The following PARN variants were observed in gnomAD, a reference collection of about 807,000 sequenced individuals.
PARN encodes the protein poly(A)-specific ribonuclease PARN.
Under a neutral mutation model 102.8 loss-of-function variants are expected in PARN, and 71 were observed. The ratio of observed to expected loss-of-function variants is 0.69; its 90% CI spans 0.57 to 0.84. The LOEUF (loss-of-function observed/expected upper bound fraction) is 0.84, where lower values mean the gene tolerates loss of function less well. PARN is among the 40% of genes least tolerant of loss of function. The pLI, the probability that PARN is intolerant of heterozygous loss-of-function variation, is 0.00. For synonymous variants in PARN, 261 were observed against 252.9 expected (o/e 1.03, Z -0.30); for missense variants, 782 against 760.9 (o/e 1.03, Z -0.33).
At chr16:14,556,126 C>T (rs1332048902) in intron 18 of PARN, among the ~76,000 whole-genome samples, 1 of 151,084 alleles carries the variant, frequency 6.6e-6, no homozygotes, top group Non-Finnish European at 1.5e-5. Flanking sequence ...TGAGCCACCA[C>T]ATCTGGCTTT....
intron 21 of PARN, among the ~76,000 whole-genome samples, chr16:14,486,105 A>T (rs1302778133): frequency 6.6e-6 from 1 of 152,106 alleles, no homozygotes; most frequent in Admixed American, 6.6e-5. Flanking sequence ...CTACAGTCCC[A>T]GCACTCTGGG....
intron 21 of PARN, among the ~76,000 whole-genome samples, chr16:14,546,111 G>T (rs542226856): frequency 6.6e-6 from 1 of 152,094 alleles, no homozygotes; most frequent in Non-Finnish European, 1.5e-5. Flanking sequence ...GTAATATCAC[G>T]AATAAAAACC....
intron 21 of PARN, among the ~76,000 whole-genome samples, chr16:14,507,422 C>A (rs567833960): frequency 5.3e-5 from 8 of 151,898 alleles, no homozygotes; most frequent in Admixed American, 2.6e-4. Flanking sequence ...GAAGGCCAGG[C>A]GTGGTGGCTC....
rs568021609 is a variant in PARN at position 14,514,455 on chromosome 16, G to C, written c.1481-31628C>G. On this transcript the variant is annotated intron_variant, in intron 21 of 23. Coordinates refer to ENST00000437198, the MANE Select transcript of PARN (RefSeq NM_002582.4). ...CCCGCCTCAGCCTCCCAAAGTGCTG[G>C]GATTACAGGCATGAGCCACCACGCC... 3.3e-5 allele frequency among the ~76,000 whole-genome samples: 5 copies of C among 152,202 alleles called. No homozygotes were observed. The South Asian group carries it at 1.0e-3, about 32-fold the overall frequency.
chr16:14,616,001 T>G (rs16963832), intron 6 of PARN, among the ~76,000 whole-genome samples: 6,230 of 152,298 alleles, frequency 0.041, 146 homozygotes, highest in African/African-American at 0.05. Flanking sequence ...CCATGTACTT[T>G]TTTTTGAGAA....
chr16:14,555,966 G>A (rs993439926), intron 18 of PARN, among the ~76,000 whole-genome samples: 1 of 151,478 alleles, frequency 6.6e-6, no homozygotes, highest in African/African-American at 2.4e-5. Flanking sequence ...CCCCAGTTAA[G>A]TGGTTCTTCT....
intron 22 of PARN, among the ~76,000 whole-genome samples, chr16:14,475,255 A>G (rs1962976131): frequency 6.6e-6 from 1 of 152,262 alleles, no homozygotes. Flanking sequence ...ACATTACAGT[A>G]TTAATAAAAT....
intron 21 of PARN, among the ~76,000 whole-genome samples, chr16:14,534,975 C>A (rs1281038923): frequency 1.3e-5 from 2 of 151,984 alleles, no homozygotes; most frequent in African/African-American, 4.8e-5. Flanking sequence ...GCTGGAATTA[C>A]AGGCATGTGC....
At chr16:14,494,491 G>C (rs1964210270) in intron 21 of PARN, among the ~76,000 whole-genome samples, 1 of 152,202 alleles carries the variant, frequency 6.6e-6, no homozygotes, top group African/African-American at 2.4e-5. Context: ...GGTTGGGAGA[G>C]CAGGTAGTGT....
At chr16:14,502,296 C>T (rs1171918617) in intron 21 of PARN, among the ~76,000 whole-genome samples, 2 of 152,198 alleles carry the variant, frequency 1.3e-5, no homozygotes, top group East Asian at 1.9e-4. Context: ...GGAGAACATG[C>T]GTCTCTCAGT....
chr16:14,626,757 C>T (rs1015400758), intron 5 of PARN, among the ~76,000 whole-genome samples: 17 of 151,912 alleles, frequency 1.1e-4, no homozygotes, highest in Non-Finnish European at 5.9e-5. Context: ...GGATTACAGG[C>T]ACCCATGACC....
intron 6 of PARN, among the ~76,000 whole-genome samples, chr16:14,611,304 T>A (rs1481128427): frequency 6.6e-6 from 1 of 152,184 alleles, no homozygotes; most frequent in Non-Finnish European, 1.5e-5. Context: ...TGGTACAGCA[T>A]CACATTGGAG....
intron 3 of PARN, 62 bp from the exon 4 acceptor site, chr16:14,627,398 T>C (rs2151823612): frequency 2.5e-6 from 3 of 1,195,818 alleles, no homozygotes; most frequent in South Asian, 2.6e-5. Context: ...GAGCATAGCA[T>C]TCTCAAACAG....
intron 21 of PARN, among the ~76,000 whole-genome samples, chr16:14,494,444 T>C (rs989848586): frequency 2.0e-5 from 3 of 152,102 alleles, no homozygotes; most frequent in African/African-American, 7.2e-5. Flanking sequence ...AAAATTTCCC[T>C]AAGGAAAAGA....
chr16:14,526,193 T>C (rs1209980118), intron 21 of PARN, among the ~76,000 whole-genome samples: 3 of 151,388 alleles, frequency 2.0e-5, no homozygotes, highest in South Asian at 4.2e-4. Context: ...TTTTTTTTTT[T>C]TGAGACGGAG....
intron 21 of PARN, among the ~76,000 whole-genome samples, chr16:14,539,603 T>C (rs1301069916): frequency 6.6e-6 from 1 of 152,240 alleles, no homozygotes; most frequent in Non-Finnish European, 1.5e-5. Flanking sequence ...ATGGTGCTTT[T>C]GATGACTTAA....
chr16:14,484,359 A>G (rs974177145), intron 21 of PARN, among the ~76,000 whole-genome samples: 1 of 152,154 alleles, frequency 6.6e-6, no homozygotes, highest in Non-Finnish European at 1.5e-5. Context: ...CTTCCAGTTT[A>G]GGCATATGCG....
intron 21 of PARN, among the ~76,000 whole-genome samples, chr16:14,529,278 G>T (rs141305773): frequency 2.6e-5 from 4 of 152,312 alleles, no homozygotes; most frequent in Non-Finnish European, 5.9e-5. Flanking sequence ...CGTTGGAAAG[G>T]TAGATTGGTT....
intron 22 of PARN, among the ~76,000 whole-genome samples, chr16:14,450,344 A>C (rs897844893): frequency 6.6e-6 from 1 of 152,234 alleles, no homozygotes; most frequent in Non-Finnish European, 1.5e-5. Context: ...ACTTAGCTGC[A>C]TGATAGCACT....
Sources: allele counts gnomAD v4.1 joint callset (sites outside exome capture counted in the v4.1 genomes callset), GRCh38; gene constraint gnomAD v4.1.1; transcripts MANE v1.5; gene names NCBI Gene and HGNC (gene_info 2026-07-23, HGNC 2026-07-21).